Variants in C8A observed in about 807,000 individuals in gnomAD.
C8A encodes the protein complement C8 alpha chain, also known as complement component C8 alpha chain.
In C8A, 67 loss-of-function variants were observed where a neutral mutation model predicts 65.3. The observed-to-expected ratio is 1.03, with a 90% CI of 0.84 to 1.26. The LOEUF (loss-of-function observed/expected upper bound fraction) is 1.26, where lower values mean the gene tolerates loss of function less well. Ranked by LOEUF, C8A falls within the 50% of genes most tolerant of loss-of-function variation. C8A has a pLI of 0.00. For synonymous variants in C8A, 290 were observed against 259.4 expected, an observed-to-expected ratio of 1.12 and a Z score of -1.13; for missense variants, 781 against 723.9, an observed-to-expected ratio of 1.08 and a Z score of -0.90.
intron 7 of C8A, among the ~76,000 whole-genome samples, chr1:56,899,172 T>C (rs1644406863): frequency 6.6e-6 from 1 of 152,152 alleles, no homozygotes; most frequent in African/African-American, 2.4e-5. Flanking sequence ...TGCATATACA[T>C]GGAACTGAGA....
At position 56,883,398 on chromosome 1, in the gene C8A, C is replaced by T. The variant is rs1644263112; in HGVS notation, c.655-83C>T. 8.0e-6 allele frequency: 10 copies of T among 1,256,946 alleles called. No homozygotes were observed. In the South Asian group the frequency reaches 1.0e-4, roughly 13 times the overall value. The allele number at this position is 1,256,946 out of a possible 1,614,324, so 77.9% of individuals were successfully genotyped here. On this transcript the variant is annotated intron_variant, in intron 5 of 10. Transcript: ENST00000361249. ...ATAATCTAAAATTTTAGATATTTTA[C>T]AAAGCAAAGATTTAAGTATTAAATA...
intron 7 of C8A, among the ~76,000 whole-genome samples, chr1:56,900,924 C>T (rs1362228028): frequency 6.6e-6 from 1 of 152,154 alleles, no homozygotes; most frequent in East Asian, 1.9e-4. Context: ...CACAGGGATA[C>T]ACTGGAACAT....
At chr1:56,873,807 T>C (rs1241373399) in intron 2 of C8A, among the ~76,000 whole-genome samples, 1 of 152,148 alleles carries the variant, frequency 6.6e-6, no homozygotes, top group Admixed American at 6.5e-5. Context: ...GCATGTTTTG[T>C]ATTATTACAC....
chr1:56,898,247 T>C (rs1644400541), intron 7 of C8A, among the ~76,000 whole-genome samples: 1 of 152,066 alleles, frequency 6.6e-6, no homozygotes, highest in South Asian at 2.1e-4. Flanking sequence ...ATAGTGATGA[T>C]AACAGTGGCT....
chr1:56,856,315 C>T (rs1643974645), intron 1 of C8A, among the ~76,000 whole-genome samples: 1 of 152,072 alleles, frequency 6.6e-6, no homozygotes, highest in Non-Finnish European at 1.5e-5. Context: ...GCTTCATTTT[C>T]CTTACCTGTA....
At chr1:56,915,854 G>C (rs571537435) in intron 10 of C8A, among the ~76,000 whole-genome samples, 2 of 152,336 alleles carry the variant, frequency 1.3e-5, no homozygotes, top group African/African-American at 4.8e-5. Flanking sequence ...AATGAGAGCA[G>C]AGGGTCTGAG....
At chr1:56,865,697 A>G (rs1333277576) in intron 1 of C8A, among the ~76,000 whole-genome samples, 1 of 152,192 alleles carries the variant, frequency 6.6e-6, no homozygotes, top group Non-Finnish European at 1.5e-5. Context: ...CAGAGACCCT[A>G]TCATTTCAAG....
At chr1:56,883,828 G>T in intron 6 of C8A, 147 bp downstream of exon 6, 2 of 693,728 alleles carry the variant, frequency 2.9e-6, no homozygotes, top group South Asian at 1.8e-5. Flanking sequence ...AATCAGGTTT[G>T]TTTTTCTTAT....
At chr1:56,913,091 G>A (rs1482450335) in intron 10 of C8A, among the ~76,000 whole-genome samples, 17 of 152,044 alleles carry the variant, frequency 1.1e-4, no homozygotes, top group African/African-American at 4.8e-5. Context: ...GGCATTTCTC[G>A]GCTTATAGAT....
chr1:56,865,272 T>C (rs1051054617), intron 1 of C8A, among the ~76,000 whole-genome samples: 5 of 152,200 alleles, frequency 3.3e-5, no homozygotes, highest in Admixed American at 3.3e-4. Context: ...ATAGACTGGA[T>C]GGTTTAAGCA....
At chr1:56,870,758 C>T (rs958578304) in intron 2 of C8A, among the ~76,000 whole-genome samples, 5 of 151,354 alleles carry the variant, frequency 3.3e-5, no homozygotes, top group African/African-American at 1.2e-4. Flanking sequence ...AGAATTATTT[C>T]CTTACTGACT....
intron 3 of C8A, 144 bp downstream of exon 3, chr1:56,875,237 A>G: frequency 1.1e-6 from 1 of 902,484 alleles, no homozygotes; most frequent in Non-Finnish European, 1.7e-6. Context: ...GGTCCTAGGA[A>G]TCTGCATTTT....
intron 5 of C8A, among the ~76,000 whole-genome samples, chr1:56,882,008 G>A (rs1299068935): frequency 6.6e-6 from 1 of 152,162 alleles, no homozygotes; most frequent in African/African-American, 2.4e-5. Context: ...TGTAGAGTGT[G>A]GGGGAGGACA....
intron 2 of C8A, among the ~76,000 whole-genome samples, chr1:56,868,711 G>T (rs1644115382): frequency 6.6e-6 from 1 of 152,092 alleles, no homozygotes; most frequent in Non-Finnish European, 1.5e-5. Flanking sequence ...GCCTGTATCA[G>T]ATGCTCCCTT....
At chr1:56,876,304 G>C in intron 4 of C8A, 95 bp downstream of exon 4, 1 of 1,481,380 alleles carries the variant, frequency 6.8e-7, no homozygotes, top group Non-Finnish European at 9.4e-7. Context: ...CATTTTGGAG[G>C]GTTCCTCTGG....
intron 6 of C8A, 77 bp downstream of exon 6, chr1:56,883,758 A>G: frequency 8.1e-7 from 1 of 1,240,758 alleles, no homozygotes; most frequent in Non-Finnish European, 1.2e-6. Flanking sequence ...TTGCATTAAA[A>G]AGTACAGTAG....
chr1:56,891,468 C>T (rs909807798), intron 7 of C8A, among the ~76,000 whole-genome samples: 4 of 152,040 alleles, frequency 2.6e-5, no homozygotes, highest in African/African-American at 4.8e-5. Flanking sequence ...GTCTAATCAA[C>T]GGGTCAGCAG....
chr1:56,871,035 T>A (rs1269148780), intron 2 of C8A, among the ~76,000 whole-genome samples: 4 of 152,200 alleles, frequency 2.6e-5, no homozygotes, highest in Non-Finnish European at 5.9e-5. Context: ...CATTATTTGA[T>A]AGCAACCTAG....
rs867955095 is a variant in C8A, at chr1:56,917,924, G to T, written c.*208G>T. 9 of 572,648 alleles carry T rather than the reference G, an allele frequency of 1.6e-5. No individual in the cohort carries two copies. The East Asian group carries it at 2.8e-4, about 18-fold the overall frequency. 35.5% of individuals were successfully genotyped at this position (572,648 alleles called of 1,614,324 possible). On this transcript the variant is annotated 3_prime_UTR_variant, in exon 11 of 11. Coordinates refer to ENST00000361249, the MANE Select transcript of C8A (RefSeq NM_000562.3). ...ACTCAATCATTTTATTCAGCAACTG[G>T]ATGTTGACTGTTAACTAGAAGCTCT... is the stretch of plus-strand genomic sequence containing the variant.
Sources: gnomAD v4.1 joint callset for allele counts (sites outside exome capture counted in the v4.1 genomes callset) on GRCh38, gnomAD v4.1.1 for gene constraint, MANE v1.5 for transcripts, NCBI Gene and HGNC (gene_info 2026-07-23, HGNC 2026-07-21) for gene names.